The following MROH2A variants were observed in gnomAD, a reference collection of about 807,000 sequenced individuals.
The protein encoded by MROH2A is maestro heat-like repeat-containing protein family member 2A.
A neutral mutation model predicts 200.4 loss-of-function variants in MROH2A; 174 were observed. The observed-to-expected ratio is 0.87, with a 90% CI of 0.77 to 0.98. MROH2A has a LOEUF of 0.98. MROH2A is among the 50% of genes least tolerant of loss of function. MROH2A has a pLI of 0.00. For synonymous variants in MROH2A, 829 were observed against 840.4 expected (o/e 0.99, Z 0.23); for missense variants, 2,045 against 2,139.6 (o/e 0.96, Z 0.87).
intron 3 of MROH2A, among the ~76,000 whole-genome samples, chr2:233,787,957 C>CAT (rs1234238792): frequency 0.027 from 296 of 11,110 alleles, 9 homozygotes; most frequent in African/African-American, 0.034. Context: ...ATTATATATA[C>CAT]ATATATTATA....
chr2:233,809,380 C>G, intron 22 of MROH2A, 102 bp downstream of exon 22: 2 of 1,306,274 alleles, frequency 1.5e-6, no homozygotes, highest in Non-Finnish European at 2.1e-6. Flanking sequence ...CAGGGGACAT[C>G]CAGGCATCTT....
rs143147147 is a variant in MROH2A at position 233,802,833 on chromosome 2, G to T, written c.1708+518G>T. On this transcript the variant is annotated intron_variant, in intron 15 of 41. Coordinates refer to ENST00000389758, the MANE Select transcript of MROH2A (RefSeq NM_001394639.1). ...GGCATCGCTGGTGATGTAGGTGATT[G>T]ATGGGGTCCTTTAGGATCCAGGGCT... Among the ~76,000 whole-genome samples the T allele has an allele frequency of 6.4e-3, 973 of 152,328 alleles. 16 individuals carry two copies. The highest frequency in any genetic ancestry group is 0.033 in the Admixed American group (513 of 15,314).
rs1463109677 is a variant in MROH2A, at chr2:233,794,541, G to A, written c.966+35G>A. On this transcript the variant is annotated intron_variant, in intron 8 of 41. Coordinates refer to ENST00000389758, the MANE Select transcript of MROH2A (RefSeq NM_001394639.1). The stretch of plus-strand genomic sequence containing the variant: ...CAGGCAGCCACGGCTCTGGGCAGGA[G>A]GCTTAGGGAATTGGGGGCTCCCAAG... 4 of 1,207,482 alleles carry A rather than the reference G, an allele frequency of 3.3e-6. No homozygotes were observed. The East Asian group carries it at 7.6e-5, about 23-fold the overall frequency. The allele number at this position is 1,207,482 out of a possible 1,614,324, so 74.8% of individuals were successfully genotyped here. A position where few individuals can be genotyped will look rare whatever the true frequency, so the allele number is the denominator to read the frequency against.
At chr2:233,808,774 G>A (rs755385286) in intron 21 of MROH2A, among the ~76,000 whole-genome samples, 3 of 152,150 alleles carry the variant, frequency 2.0e-5, no homozygotes, top group Admixed American at 1.3e-4. Flanking sequence ...ACCCATAGCC[G>A]GTGCCTGGTA....
Position 233,817,984 on chromosome 2 carries a change from C to T in MROH2A, c.2962-18C>T, listed in dbSNP as rs542105796. Reference sequence around the variant, plus strand: ...TGAGAGCACAGAGGTGTGAGCCCCACGGTCTCCTGTCCCTCAGATCCACCT... The same window carrying T: ...TGAGAGCACAGAGGTGTGAGCCCCATGGTCTCCTGTCCCTCAGATCCACCT... On this transcript the variant is annotated intron_variant, in intron 27 of 41. Coordinates refer to ENST00000389758, the MANE Select transcript of MROH2A (RefSeq NM_001394639.1). 145 of 1,550,544 alleles carry T rather than the reference C, an allele frequency of 9.4e-5. No homozygotes were observed. In the East Asian group the frequency reaches 1.3e-3, roughly 14 times the overall value.
chr2:233,805,070 A>G lies in MROH2A; in HGVS notation c.2011A>G (p.Asn671Asp), dbSNP rs868138667. Residue 671 changes from asparagine (N) to aspartate (D), a missense_variant, in exon 19 of 42, where the codon AAC (asparagine) becomes GAC (aspartate). Asn to Asp is a conservative substitution (Grantham distance 23, BLOSUM62 1). This residue lies in a region of MROH2A where 1,201 missense variants were observed against 1,311.3 expected (regional missense o/e 0.92). Coordinates refer to ENST00000389758, the MANE Select transcript of MROH2A (RefSeq NM_001394639.1). ...GAGCCTGCGCTTGAGTAAAGAGCTG[A>G]ACAACCAGATTGCGAGCTTTGACAG... ...SWSLRLSKEL[N>D]NQIASFDSPS... is the part of the protein sequence containing the mutation. 3.9e-6 allele frequency: 6 copies of G among 1,550,242 alleles called. No homozygotes were observed. The Admixed American group carries it at 1.2e-4, about 30-fold the overall frequency.
Position 233,818,781 on chromosome 2 carries a change from G to A in MROH2A, c.3204+11G>A. The A allele has an allele frequency of 6.6e-7, 1 of 1,517,190 alleles. No individual in the cohort carries two copies. The highest frequency in any genetic ancestry group is 8.9e-7 in the Non-Finnish European group (1 of 1,118,052). 94.0% of individuals were successfully genotyped at this position (1,517,190 alleles called of 1,614,324 possible). A position where few individuals can be genotyped will look rare whatever the true frequency, so the allele number is the denominator to read the frequency against. On this transcript the variant is annotated intron_variant, in intron 29 of 41. Coordinates refer to ENST00000389758, the MANE Select transcript of MROH2A (RefSeq NM_001394639.1). ...TCCAGAATCGCCAAGGTGACAGCCG[G>A]GGAGCCTGCCTGGGCTGCCAGGCTG...
chr2:233,827,671 C>CT (rs1261992630), intron 35 of MROH2A, among the ~76,000 whole-genome samples: 10 of 152,022 alleles, frequency 6.6e-5, no homozygotes, highest in African/African-American at 2.4e-4. Flanking sequence ...CACTATGACA[C>CT]ACGTCTACCT....
chr2:233,796,180 G>A lies in MROH2A; in HGVS notation c.1139-20G>A, dbSNP rs1702096608. 2 of 1,541,156 alleles carry A rather than the reference G, an allele frequency of 1.3e-6. No homozygotes were observed. The highest frequency in any genetic ancestry group is 2.4e-5 in the South Asian group (2 of 83,266). Reference sequence around the variant, plus strand: ...TCTGGACCCGGTGAGCATGACTAAAGCTGTCCTTCCACCCTGCAGCTCGCT... The same window carrying A: ...TCTGGACCCGGTGAGCATGACTAAAACTGTCCTTCCACCCTGCAGCTCGCT... On this transcript the variant is annotated intron_variant, in intron 10 of 41. Transcript: ENST00000389758.
Position 233,793,850 on chromosome 2 carries a change from C to T in MROH2A, c.822+26C>T, listed in dbSNP as rs539922968. ...GTGAGATGCACCCCTCTTAGGAGGG[C>T]CTGGTGGTCCCCAGGCCACAGCTCC... On this transcript the variant is annotated intron_variant, in intron 7 of 41. Coordinates refer to ENST00000389758, the MANE Select transcript of MROH2A (RefSeq NM_001394639.1). The T allele has an allele frequency of 5.1e-6, 7 of 1,372,168 alleles. No homozygotes were observed. In the East Asian group the frequency reaches 1.5e-4, roughly 29 times the overall value. 85.0% of individuals were successfully genotyped at this position (1,372,168 alleles called of 1,614,324 possible).
At chr2:233,781,294 T>C (rs947120674) in intron 3 of MROH2A, among the ~76,000 whole-genome samples, 6 of 152,338 alleles carry the variant, frequency 3.9e-5, no homozygotes, top group East Asian at 1.9e-4. Flanking sequence ...TAGTTTTACT[T>C]TTTTTGAGAA....
rs569701273 is a variant in MROH2A at position 233,800,417 on chromosome 2, T to C, written c.1560+102T>C. The C allele has an allele frequency of 9.1e-5, 65 of 717,098 alleles. No homozygotes were observed. The African/African-American group carries it at 1.1e-3, about 13-fold the overall frequency. 44.4% of individuals were successfully genotyped at this position (717,098 alleles called of 1,614,324 possible). A position where few individuals can be genotyped will look rare whatever the true frequency, so the allele number is the denominator to read the frequency against. The stretch of plus-strand genomic sequence containing the variant: ...ACATCTTTGCTTCTTCCGTTCCTGC[T>C]GTCTGGAGTGTTGAGGGGCCTTCCT... On this transcript the variant is annotated intron_variant, in intron 14 of 41. Coordinates refer to ENST00000389758, the MANE Select transcript of MROH2A (RefSeq NM_001394639.1).
intron 6 of MROH2A, 65 bp downstream of exon 6, chr2:233,792,959 A>G: frequency 6.8e-7 from 1 of 1,473,522 alleles, no homozygotes; most frequent in South Asian, 1.2e-5. Context: ...ACTGCTGGGT[A>G]AGGAGCAGAT....
Position 233,793,783 on chromosome 2 carries a change from C to G in MROH2A, c.781C>G (p.Arg261Gly). The change falls in exon 7 of 42, where the codon CGC becomes GGC. Residue 261 changes from arginine to glycine, a missense_variant. Coordinates refer to ENST00000389758, the MANE Select transcript of MROH2A (RefSeq NM_001394639.1). ...EFALKVFPMY[R>G]YFVTVWLRHY... ...TGCCCTGAAGGTGTTCCCCATGTAT[C>G]GCTACTTCGTGACAGTGTGGCTGAG... 1 of 1,484,098 alleles carries G rather than the reference C, an allele frequency of 6.7e-7. No homozygotes were observed. Among genetic ancestry groups the G allele is most frequent in the Non-Finnish European group, 9.0e-7 (1 of 1,114,484 alleles). The allele number at this position is 1,484,098 out of a possible 1,614,324, so 91.9% of individuals were successfully genotyped here.
Position 233,807,871 on chromosome 2 carries a change from TC to T in MROH2A, c.2295+18del. 1.9e-6 allele frequency: 3 copies of T among 1,550,944 alleles called. No homozygotes were observed. Among genetic ancestry groups the T allele is most frequent in the African/African-American group, 1.4e-5 (1 of 73,166 alleles). Reference sequence around the variant, plus strand: ...TGCTTGGCGGGTAAGCCACCTTCCCTCCACAACTGGGTCTTGGGATCTCTTA... The same window carrying T: ...TGCTTGGCGGGTAAGCCACCTTCCCTCACAACTGGGTCTTGGGATCTCTTA... On this transcript the variant is annotated intron_variant, in intron 21 of 41. Coordinates refer to ENST00000389758, the MANE Select transcript of MROH2A (RefSeq NM_001394639.1). This position sits in a 1 kb window ranked among gnomAD's most constrained non-coding sequence, Gnocchi z 4.3.
At chr2:233,802,459 C>CATTAATA in intron 15 of MROH2A, 144 bp downstream of exon 15, 1 of 891,986 alleles carries the variant, frequency 1.1e-6, no homozygotes, top group Non-Finnish European at 1.7e-6. Context: ...ACTATTAATG[C>CATTAATA]CTACCTGGAT....
intron 14 of MROH2A, 151 bp from the exon 15 acceptor site, chr2:233,802,017 G>T: frequency 2.5e-6 from 2 of 811,332 alleles, no homozygotes; most frequent in Non-Finnish European, 3.7e-6. Context: ...GACTGGATTT[G>T]GCGGTGGAGC....
At position 233,810,826 on chromosome 2, in the gene MROH2A, T is replaced by G. The variant is rs1313809171; in HGVS notation, c.2481T>G (p.Ser827Arg). Residue 827 changes from serine to arginine, a missense_variant, in exon 23 of 42, where the codon AGT (serine) becomes AGG (arginine). Transcript: ENST00000389758. ...DICLKMAFMKSVVQVTKAINN... is the reference protein window; with the variant it reads ...DICLKMAFMKRVVQVTKAINN... The stretch of plus-strand genomic sequence containing the variant: ...GTCTCAAAATGGCCTTCATGAAGAG[T>G]GTTGTGCAGGTTACCAAGGCCATCA... The G allele has an allele frequency of 5.0e-5, 77 of 1,550,170 alleles. No individual in the cohort carries two copies. The highest frequency in any genetic ancestry group is 6.3e-5 in the Non-Finnish European group (72 of 1,146,876).
chr2:233,809,346 T>C, intron 22 of MROH2A, 68 bp downstream of exon 22: 3 of 1,497,186 alleles, frequency 2.0e-6, no homozygotes, highest in Non-Finnish European at 2.7e-6. Context: ...CTTCTGGCAC[T>C]CTCTGGGCTC....
Sources: allele counts gnomAD v4.1 joint callset (sites outside exome capture counted in the v4.1 genomes callset), GRCh38; gene constraint gnomAD v4.1.1; regional missense constraint gnomAD v4.1.1; non-coding constraint Gnocchi (gnomAD v3.1); transcripts MANE v1.5; gene names NCBI Gene and HGNC (gene_info 2026-07-23, HGNC 2026-07-21).